Variants in SPOPL observed in about 807,000 individuals in gnomAD.
The protein encoded by SPOPL is speckle type BTB/POZ protein like.
In SPOPL, 23 loss-of-function variants were observed where a neutral mutation model predicts 53.8. That is an observed-to-expected ratio of 0.43 (90% CI 0.31 to 0.61). The LOEUF (loss-of-function observed/expected upper bound fraction) is 0.61. SPOPL is among the 20% of genes least tolerant of loss of function. The pLI is 0.12. For missense variants in SPOPL, 442 were observed against 466.9 expected (o/e 0.95, Z 0.49); for synonymous variants, 164 against 149.7 (o/e 1.10, Z -0.70).
chr2:138,505,559 C>G (rs1684197429), intron 1 of SPOPL, among the ~76,000 whole-genome samples: 1 of 138,128 alleles, frequency 7.2e-6, no homozygotes, highest in African/African-American at 2.8e-5. Flanking sequence ...GAGTTCAAGA[C>G]CAGCCCGGCC....
At chr2:138,537,788 C>T (rs1043631734) in intron 1 of SPOPL, among the ~76,000 whole-genome samples, 11 of 152,204 alleles carry the variant, frequency 7.2e-5, no homozygotes, top group Admixed American at 5.9e-4. Flanking sequence ...TCACTTTTCT[C>T]ATAGTCTCTA....
In SPOPL at chr2:138,550,238, C is replaced by T. The variant is rs1685284531; in HGVS notation, c.22C>T (p.Pro8Ser). Residue 8 changes from proline to serine, a missense_variant, in exon 2 of 11, where the codon CCT becomes TCT. Pro to Ser is a moderately conservative substitution (Grantham distance 74, BLOSUM62 -1). Coordinates refer to ENST00000280098, the MANE Select transcript of SPOPL (RefSeq NM_001001664.3). MSREPTP[P>S]LPGDMSTGPI... ...GGTGATGTCTCGGGAACCCACCCCA[C>T]CTCTACCTGGAGATATGTCTACTGG... is the stretch of plus-strand genomic sequence containing the variant. The T allele has an allele frequency of 6.2e-7, 1 of 1,613,470 alleles. No individual in the cohort carries two copies. Among genetic ancestry groups the T allele is most frequent in the Non-Finnish European group, 8.5e-7 (1 of 1,179,656 alleles).
At chr2:138,538,727 C>T (rs1300782248) in intron 1 of SPOPL, among the ~76,000 whole-genome samples, 1 of 151,738 alleles carries the variant, frequency 6.6e-6, no homozygotes, top group Non-Finnish European at 1.5e-5. Flanking sequence ...AGCTTAGGAC[C>T]TTCTTAGCTG....
At chr2:138,559,957 G>A (rs1438673715) in intron 7 of SPOPL, among the ~76,000 whole-genome samples, 1 of 152,108 alleles carries the variant, frequency 6.6e-6, no homozygotes, top group East Asian at 1.9e-4. Flanking sequence ...TAAAATAACT[G>A]CTTTCTTTCT....
At chr2:138,550,409 G>A (rs1685288452) in intron 2 of SPOPL, 74 bp from the exon 3 acceptor site, 9 of 1,583,184 alleles carry the variant, frequency 5.7e-6, no homozygotes, top group African/African-American at 4.0e-5. Flanking sequence ...AGACTGGATC[G>A]TAGGATGTTG....
intron 1 of SPOPL, among the ~76,000 whole-genome samples, chr2:138,527,197 G>T (rs774353763): frequency 1.2e-4 from 18 of 151,986 alleles, no homozygotes; most frequent in Non-Finnish European, 2.2e-4. Context: ...TCTAGGTATA[G>T]ATCTTTTTTC....
chr2:138,518,905 G>A (rs1684500362), intron 1 of SPOPL, among the ~76,000 whole-genome samples: 2 of 152,136 alleles, frequency 1.3e-5, no homozygotes, highest in Non-Finnish European at 2.9e-5. Context: ...TTGTAAACAA[G>A]CTCTATCTTT....
rs535206547 is a variant in SPOPL, at chr2:138,512,945, A to C, written c.-61+10826A>C. 2.0e-5 allele frequency among the ~76,000 whole-genome samples: 3 copies of C among 152,326 alleles called. No individual in the cohort carries two copies. In the East Asian group the frequency reaches 5.8e-4, roughly 29 times the overall value. The stretch of plus-strand genomic sequence containing the variant: ...ACTTTATATATACATCTTTTGTTTT[A>C]ATCCTCGTAACTACACTGCTAAGGT... On this transcript the variant is annotated intron_variant, in intron 1 of 10. Transcript: ENST00000280098.
intron 1 of SPOPL, among the ~76,000 whole-genome samples, chr2:138,543,002 C>T (rs950201954): frequency 2.0e-5 from 3 of 152,120 alleles, no homozygotes; most frequent in African/African-American, 2.4e-5. Flanking sequence ...CGAAGCTTAG[C>T]TTGGCTGGAT....
intron 8 of SPOPL, among the ~76,000 whole-genome samples, chr2:138,563,606 A>T (rs1168281750): frequency 6.6e-6 from 1 of 152,246 alleles, no homozygotes; most frequent in Non-Finnish European, 1.5e-5. Context: ...GTTATCAAGG[A>T]TGTGGAAGAA....
chr2:138,559,480 C>A, intron 7 of SPOPL, 143 bp downstream of exon 7: 1 of 783,856 alleles, frequency 1.3e-6, no homozygotes, highest in East Asian at 2.7e-5. Context: ...AAAATGTGTT[C>A]TATAATAGAA....
intron 10 of SPOPL, among the ~76,000 whole-genome samples, chr2:138,566,762 C>A (rs1183197778): frequency 2.0e-5 from 3 of 152,072 alleles, no homozygotes; most frequent in Non-Finnish European, 4.4e-5. Flanking sequence ...AGGGAAAATT[C>A]TTGGTCTTGG....
At chr2:138,529,034 T>C (rs761183511) in intron 1 of SPOPL, among the ~76,000 whole-genome samples, 1 of 152,216 alleles carries the variant, frequency 6.6e-6, no homozygotes, top group African/African-American at 2.4e-5. Context: ...ATTTATACAT[T>C]TTAGATAGCC....
intron 1 of SPOPL, among the ~76,000 whole-genome samples, chr2:138,522,301 C>G (rs920068815): frequency 6.6e-6 from 1 of 152,148 alleles, no homozygotes; most frequent in Admixed American, 6.5e-5. Context: ...CAACCTGATA[C>G]AATTGACTGA....
chr2:138,531,470 C>T (rs181332935), intron 1 of SPOPL, among the ~76,000 whole-genome samples: 4 of 152,184 alleles, frequency 2.6e-5, no homozygotes, highest in East Asian at 1.9e-4. Context: ...TACAATTTTT[C>T]GTTGGCCAGT....
At chr2:138,525,430 GACTGGCAGTCAGTA>G (rs1343384709) in intron 1 of SPOPL, among the ~76,000 whole-genome samples, 1 of 152,164 alleles carries the variant, frequency 6.6e-6, no homozygotes, top group Non-Finnish European at 1.5e-5. Flanking sequence ...CACATGAGCT[GACTGGCAGTCAGTA>G]ACTGATTTCA....
intron 1 of SPOPL, among the ~76,000 whole-genome samples, chr2:138,519,553 A>C (rs909435487): frequency 1.7e-4 from 26 of 152,162 alleles, no homozygotes; most frequent in African/African-American, 6.3e-4. Context: ...ATTGTATGTG[A>C]AGAATAAAGT....
chr2:138,534,796 A>G (rs6733057), intron 1 of SPOPL, among the ~76,000 whole-genome samples: 25,900 of 152,076 alleles, frequency 0.17, 2,725 homozygotes, highest in African/African-American at 0.29. Flanking sequence ...GCAACTACTA[A>G]TCTGCTTTTT....
In SPOPL at chr2:138,570,522, G is replaced by A. The variant is rs1351110423; in HGVS notation, c.*1442G>A. The stretch of plus-strand genomic sequence containing the variant: ...TGGAGAAGCAGAAGCAGTCAGTGTT[G>A]GGGTACCACATCTGACTTACTGTGG... On this transcript the variant is annotated 3_prime_UTR_variant, in exon 11 of 11. Coordinates refer to ENST00000280098, the MANE Select transcript of SPOPL (RefSeq NM_001001664.3). The A allele has an allele frequency of 6.6e-6, 1 of 152,050 alleles. No individual in the cohort carries two copies. Among genetic ancestry groups the A allele is most frequent in the Non-Finnish European group, 1.5e-5 (1 of 67,996 alleles). The allele number at this position is 152,050 out of a possible 1,614,324, so 9.4% of individuals were successfully genotyped here.
Sources: allele counts gnomAD v4.1 joint callset (sites outside exome capture counted in the v4.1 genomes callset), GRCh38; gene constraint gnomAD v4.1.1; transcripts MANE v1.5; gene names NCBI Gene and HGNC (gene_info 2026-07-23, HGNC 2026-07-21).